AFF4: variants seen among roughly 807,000 people sequenced by gnomAD.
AFF4 encodes ALF transcription elongation factor 4.
Under a neutral mutation model 124.8 loss-of-function variants are expected in AFF4, and 13 were observed. The ratio of observed to expected loss-of-function variants is 0.10; its 90% CI spans 0.07 to 0.17. AFF4 has a LOEUF of 0.17. AFF4 is among the 10% of genes least tolerant of loss of function. AFF4 has a pLI of 1.00. For synonymous variants in AFF4, 477 were observed against 496.1 expected (o/e 0.96, Z 0.51); for missense variants, 1,092 against 1,403.8 (o/e 0.78, Z 3.55).
At chr5:132,890,033 T>C (rs1760215058) in intron 13 of AFF4, among the ~76,000 whole-genome samples, 1 of 152,046 alleles carries the variant, frequency 6.6e-6, no homozygotes, top group Non-Finnish European at 1.5e-5. Flanking sequence ...ATAAAACGAA[T>C]ATACATTTTT....
chr5:132,894,809 C>T (rs1024348162), intron 11 of AFF4, among the ~76,000 whole-genome samples: 1 of 151,966 alleles, frequency 6.6e-6, no homozygotes. Context: ...AAAAAATTAG[C>T]CAGGTGTGGG....
intron 5 of AFF4, among the ~76,000 whole-genome samples, chr5:132,922,372 C>T (rs1308797005): frequency 6.6e-6 from 1 of 151,856 alleles, no homozygotes; most frequent in South Asian, 2.1e-4. Flanking sequence ...GAGCCATGAT[C>T]ATGCCACTGC....
At position 132,902,474 on chromosome 5, in the gene AFF4, A is replaced by G. The variant is rs761573162; in HGVS notation, c.1101T>C (p.Pro367=). 3 of 1,608,540 alleles carry G rather than the reference A, an allele frequency of 1.9e-6. No individual in the cohort carries two copies. In the South Asian group the frequency reaches 3.3e-5, roughly 18 times the overall value. The change falls in exon 7 of 21, where the codon CCT becomes CCC. Residue 367 remains proline, a synonymous_variant. Transcript: ENST00000265343. ...ACTGGTGCCCATTTGAAGTTTTAGAAGGATTATATCTTTCTGGAACAAAAA... is the reference window on the plus strand; with the variant it reads ...ACTGGTGCCCATTTGAAGTTTTAGAGGGATTATATCTTTCTGGAACAAAAA... ...FGTGEQKRYN[P]SKTSNGHQSK...
intron 5 of AFF4, among the ~76,000 whole-genome samples, chr5:132,911,147 T>A (rs1021710999): frequency 6.6e-6 from 1 of 152,234 alleles, no homozygotes; most frequent in Non-Finnish European, 1.5e-5. Context: ...TACTAAGCCA[T>A]CAGCATTATA....
chr5:132,927,275 G>C (rs1346755244), intron 4 of AFF4, 68 bp from the exon 5 acceptor site: 1 of 1,335,762 alleles, frequency 7.5e-7, no homozygotes, highest in Non-Finnish European at 1.0e-6. Flanking sequence ...CTAAAAACCA[G>C]ATTTGTATTT....
rs765939116 is a variant in AFF4 at position 132,879,072 on chromosome 5, A to T, written c.*1987T>A. On this transcript the variant is annotated 3_prime_UTR_variant, in exon 21 of 21. Coordinates refer to ENST00000265343, the MANE Select transcript of AFF4 (RefSeq NM_014423.4). ...ACTGTTCCTAGAACACACTAAGATT[A>T]AGTTAGAAAGATATCAGAGGCAATT... 14 of 221,244 alleles carry T rather than the reference A, an allele frequency of 6.3e-5. No homozygotes were observed. The highest frequency in any genetic ancestry group is 1.1e-4 in the Non-Finnish European group (12 of 110,732). The allele number at this position is 221,244 out of a possible 1,614,324, so 13.7% of individuals were successfully genotyped here. A position where few individuals can be genotyped will look rare whatever the true frequency, so the allele number is the denominator to read the frequency against.
chr5:132,936,774 C>T (rs762797292), intron 2 of AFF4, among the ~76,000 whole-genome samples: 11 of 152,124 alleles, frequency 7.2e-5, no homozygotes, highest in South Asian at 4.1e-4. Context: ...GGTTGGAAAA[C>T]GACTTTTAGG....
chr5:132,892,204 T>G lies in AFF4; in HGVS notation c.2597A>C (p.Lys866Thr), dbSNP rs1760278539. Residue 866 changes from lysine (K) to threonine (T), a missense_variant, in exon 13 of 21, where the codon AAG (lysine) becomes ACG (threonine). Lys to Thr is a moderately conservative substitution (Grantham distance 78). Around this residue, in one of 11 missense-constraint regions of AFF4, gnomAD observed 293 missense variants for 280.2 expected, o/e 1.05. Transcript: ENST00000265343. ...KNSSSTSKQK[K>T]TEGKTSSSSK... is the part of the protein sequence containing the mutation. ...GCTACTGGAAGTCTTCCCTTCGGTC[T>G]TCTTCTGCTTTGATGTGGAGGAACT... The G allele has an allele frequency of 1.2e-6, 2 of 1,613,988 alleles. No individual in the cohort carries two copies. The highest frequency in any genetic ancestry group is 8.5e-7 in the Non-Finnish European group (1 of 1,179,992).
chr5:132,917,114 T>C (rs1004739379), intron 5 of AFF4, among the ~76,000 whole-genome samples: 21 of 151,992 alleles, frequency 1.4e-4, no homozygotes, highest in Non-Finnish European at 2.2e-4. Context: ...AGACAGGGTT[T>C]CTCCATGTTG....
intron 5 of AFF4, among the ~76,000 whole-genome samples, chr5:132,923,048 T>C (rs1015527714): frequency 3.3e-5 from 5 of 151,962 alleles, no homozygotes; most frequent in Non-Finnish European, 5.9e-5. Flanking sequence ...TGGTGGTGCG[T>C]ACCTGTAGTC....
chr5:132,932,095 G>A, intron 4 of AFF4, 83 bp downstream of exon 4: 1 of 928,178 alleles, frequency 1.1e-6, no homozygotes, highest in Non-Finnish European at 1.6e-6. Flanking sequence ...GATCCTTTGT[G>A]AAATACAGGT....
In AFF4 at chr5:132,887,606, A is replaced by G. The variant is rs772710352; in HGVS notation, c.2934-14T>C. Reference sequence around the variant, plus strand: ...TTCATAGTGTATCTGTTGAGTTACAATAACAAACAAATGACAAACAGAATA... The same window carrying G: ...TTCATAGTGTATCTGTTGAGTTACAGTAACAAACAAATGACAAACAGAATA... On this transcript the variant is annotated splice_polypyrimidine_tract_variant and intron_variant, in intron 16 of 20. Coordinates refer to ENST00000265343, the MANE Select transcript of AFF4 (RefSeq NM_014423.4). The G allele has an allele frequency of 1.2e-6, 2 of 1,603,388 alleles. No individual in the cohort carries two copies. Among genetic ancestry groups the G allele is most frequent in the Non-Finnish European group, 1.7e-6 (2 of 1,170,562 alleles).
At position 132,934,281 on chromosome 5, in the gene AFF4, C is replaced by T. The variant is rs1363866725; in HGVS notation, c.784G>A (p.Gly262Arg). The part of the protein sequence containing the change: ...KPTAYVRPMD[G>R]QESMEPKLSS... ...AGCTTTGGTTCCATGGACTCCTGTC[C>T]GTCCATGGGCCGCACATAGGCAGTG... Residue 262 changes from glycine (G) to arginine (R), a missense_variant, in exon 3 of 21, where the codon GGA (glycine) becomes AGA (arginine). Around this residue, in one of 11 missense-constraint regions of AFF4, gnomAD observed 1 missense variants for 19.7 expected, o/e 0.05. Coordinates refer to ENST00000265343, the MANE Select transcript of AFF4 (RefSeq NM_014423.4). The T allele has an allele frequency of 6.2e-7, 1 of 1,614,142 alleles. No individual in the cohort carries two copies. Among genetic ancestry groups the T allele is most frequent in the Admixed American group, 1.7e-5 (1 of 60,014 alleles).
chr5:132,908,776 A>ATTT (rs386405007), intron 5 of AFF4, among the ~76,000 whole-genome samples: 1,982 of 114,782 alleles, frequency 0.017, 82 homozygotes, highest in East Asian at 0.13. Context: ...ATATATATAT[A>ATTT]TTTTTTTTTT....
chr5:132,908,117 C>CT (rs34166509), intron 5 of AFF4, among the ~76,000 whole-genome samples: 66 of 143,304 alleles, frequency 4.6e-4, no homozygotes, highest in African/African-American at 5.1e-4. Context: ...TGTCTTCCAG[C>CT]TTTTTTTTTT....
intron 12 of AFF4, 115 bp from the exon 13 acceptor site, chr5:132,892,519 T>G: frequency 7.2e-7 from 1 of 1,387,442 alleles, no homozygotes; most frequent in African/African-American, 1.4e-5. Flanking sequence ...ATTTGATTAC[T>G]AGGACACATG....
intron 19 of AFF4, among the ~76,000 whole-genome samples, chr5:132,884,313 C>T (rs1760059906): frequency 6.6e-6 from 1 of 152,210 alleles, no homozygotes; most frequent in Non-Finnish European, 1.5e-5. Context: ...CCTCGACTTA[C>T]TGCAACCTCC....
intron 4 of AFF4, among the ~76,000 whole-genome samples, chr5:132,928,248 C>A (rs1164370286): frequency 2.0e-5 from 3 of 151,060 alleles, no homozygotes; most frequent in Non-Finnish European, 4.4e-5. Context: ...CAAAAAAAAA[C>A]CCAAAACACC....
Position 132,897,053 on chromosome 5 carries a change from G to A in AFF4, c.1577C>T (p.Ser526Phe). The A allele has an allele frequency of 1.2e-6, 2 of 1,614,160 alleles. No homozygotes were observed. The highest frequency in any genetic ancestry group is 1.7e-6 in the Non-Finnish European group (2 of 1,180,024). The change falls in exon 11 of 21, where the codon TCC (serine) becomes TTC (phenylalanine). Residue 526 changes from serine to phenylalanine, a missense_variant. Around this residue, in one of 11 missense-constraint regions of AFF4, gnomAD observed 174 missense variants for 205.9 expected, o/e 0.84. Coordinates refer to ENST00000265343, the MANE Select transcript of AFF4 (RefSeq NM_014423.4). ...TTTGGAGTCTCGTCCCGGAGTAGCG[G>A]AACTCGTTTCTTTAGGTCCACTTGT... ...TDTSGPKETS[S>F]ATPGRDSKTI...
Sources: gnomAD v4.1 joint callset for allele counts (sites outside exome capture counted in the v4.1 genomes callset) on GRCh38, gnomAD v4.1.1 for gene constraint, gnomAD v4.1.1 regional missense constraint, MANE v1.5 for transcripts, NCBI Gene and HGNC (gene_info 2026-07-23, HGNC 2026-07-21) for gene names.